Variants in LMNTD1 observed in about 807,000 individuals in gnomAD.
LMNTD1 encodes lamin tail domain-containing protein 1.
A neutral mutation model predicts 50.9 loss-of-function variants in LMNTD1; 35 were observed. The ratio of observed to expected loss-of-function variants is 0.69; its 90% CI spans 0.53 to 0.91. The LOEUF is 0.91. Ranked by LOEUF, LMNTD1 falls within the 40% of genes least tolerant of loss-of-function variation. The pLI is 0.00. For missense variants in LMNTD1, 470 were observed against 475.5 expected, an observed-to-expected ratio of 0.99 and a Z score of 0.11; for synonymous variants, 153 against 161.9, an observed-to-expected ratio of 0.94 and a Z score of 0.42.
At chr12:25,586,485 C>T (rs1413163878) in intron 1 of LMNTD1, among the ~76,000 whole-genome samples, 1 of 152,150 alleles carries the variant, frequency 6.6e-6, no homozygotes, top group Non-Finnish European at 1.5e-5. Flanking sequence ...TGCCAGTTGT[C>T]CTCCACTTTC....
intron 4 of LMNTD1, among the ~76,000 whole-genome samples, chr12:25,540,449 A>T (rs1942979777): frequency 8.7e-6 from 1 of 115,004 alleles, no homozygotes; most frequent in Admixed American, 9.4e-5. Context: ...GTAATCCAGC[A>T]TATAAACAGA....
chr12:25,478,727 A>G (rs1406672297), intron 9 of LMNTD1, among the ~76,000 whole-genome samples: 1 of 152,192 alleles, frequency 6.6e-6, no homozygotes, highest in Non-Finnish European at 1.5e-5. Context: ...CGGAGGTTGC[A>G]GTGAGCCGAG....
chr12:25,496,697 A>C lies in LMNTD1; in HGVS notation c.*22+7041T>G, dbSNP rs143213644. 1.4e-3 allele frequency among the ~76,000 whole-genome samples: 211 copies of C among 152,324 alleles called. 1 individual carries two copies. The highest frequency in any genetic ancestry group is 5.0e-3 in the African/African-American group (209 of 41,584). On this transcript the variant is annotated intron_variant, in intron 9 of 9. Coordinates refer to ENST00000458174, the MANE Select transcript of LMNTD1 (RefSeq NM_001145728.2). ...TATGATTTTCTTCCATCTTGGAAAT[A>C]CTAGCTATATTTTATTAGAAGTACT...
At chr12:25,604,401 G>C (rs575787564) in intron 1 of LMNTD1, among the ~76,000 whole-genome samples, 5 of 152,128 alleles carry the variant, frequency 3.3e-5, no homozygotes, top group Non-Finnish European at 5.9e-5. Flanking sequence ...ACAACGTGCA[G>C]GTTTGTTACA....
intron 9 of LMNTD1, among the ~76,000 whole-genome samples, chr12:25,487,596 T>A (rs11502716): frequency 0.59 from 63,450 of 108,022 alleles, 19,862 homozygotes; most frequent in East Asian, 0.94. Context: ...CCAATTTGCC[T>A]GTCTGTGTCT....
At chr12:25,519,363 G>A (rs1482908068) in intron 7 of LMNTD1, among the ~76,000 whole-genome samples, 2 of 73,022 alleles carry the variant, frequency 2.7e-5, no homozygotes, top group Non-Finnish European at 7.7e-5. Context: ...AGGCCAAGGC[G>A]GGCGGATCAC....
chr12:25,630,935 C>T (rs1946704111), intron 1 of LMNTD1, among the ~76,000 whole-genome samples: 1 of 152,182 alleles, frequency 6.6e-6, no homozygotes, highest in Admixed American at 6.5e-5. Flanking sequence ...CGCCCACTGG[C>T]CAGAAACAGA....
chr12:25,549,439 G>A lies in LMNTD1; in HGVS notation c.197C>T (p.Pro66Leu), dbSNP rs369352018. The change falls in exon 3 of 10, where the codon CCT (proline) becomes CTT (leucine). Residue 66 changes from proline (P) to leucine (L), a missense_variant. Coordinates refer to ENST00000458174, the MANE Select transcript of LMNTD1 (RefSeq NM_001145728.2). Reference sequence around the variant, plus strand: ...AGGACTAGACAGATAGTAACCAAGAGGCATTCCACTGGAATTTGAAGATGA... The same window carrying A: ...AGGACTAGACAGATAGTAACCAAGAAGCATTCCACTGGAATTTGAAGATGA... ...PLSSSNSSGM[P>L]LGYYLSSPQI... The A allele has an allele frequency of 3.1e-6, 5 of 1,612,990 alleles. No individual in the cohort carries two copies. Among genetic ancestry groups the A allele is most frequent in the Non-Finnish European group, 4.2e-6 (5 of 1,179,258 alleles).
intron 1 of LMNTD1, among the ~76,000 whole-genome samples, chr12:25,644,353 C>T (rs535823633): frequency 1.4e-5 from 2 of 146,838 alleles, no homozygotes; most frequent in Admixed American, 6.8e-5. Flanking sequence ...AGCATGGTGG[C>T]ATGTGCCTGT....
At position 25,638,480 on chromosome 12, in the gene LMNTD1, A is replaced by T. The variant is rs558153272; in HGVS notation, c.58+10014T>A. 4.8e-3 allele frequency among the ~76,000 whole-genome samples: 731 copies of T among 152,222 alleles called. 7 individuals carry two copies. The highest frequency in any genetic ancestry group is 0.017 in the African/African-American group (701 of 41,590). ...AAAGCCTATTAGAATAAATGAGCTC[A>T]GCAAAATGATAGGATAAAAGATTAA... On this transcript the variant is annotated intron_variant, in intron 1 of 7. Transcript: ENST00000445693.
At chr12:25,504,971 T>C (rs913784854) in intron 8 of LMNTD1, among the ~76,000 whole-genome samples, 1 of 152,232 alleles carries the variant, frequency 6.6e-6, no homozygotes, top group African/African-American at 2.4e-5. Context: ...AAATAGACCT[T>C]GTAAATATTT....
chr12:25,496,671 A>G (rs1939081230), intron 9 of LMNTD1, among the ~76,000 whole-genome samples: 2 of 152,306 alleles, frequency 1.3e-5, no homozygotes, highest in South Asian at 4.1e-4. Flanking sequence ...TGAGACTAGA[A>G]TATGATTTTC....
chr12:25,483,529 T>C (rs1938513102), intron 9 of LMNTD1, among the ~76,000 whole-genome samples: 3 of 151,906 alleles, frequency 2.0e-5, no homozygotes, highest in Admixed American at 2.0e-4. Context: ...CCTAGCACTT[T>C]GGGAGGCCGA....
At chr12:25,548,492 T>C (rs1002350873) in intron 3 of LMNTD1, among the ~76,000 whole-genome samples, 1 of 151,980 alleles carries the variant, frequency 6.6e-6, no homozygotes, top group Non-Finnish European at 1.5e-5. Flanking sequence ...CTAATGTTTA[T>C]TGAGTATTTA....
chr12:25,557,149 T>C (rs1171211799), upstream of LMNTD1: 3 of 152,242 alleles, frequency 2.0e-5, no homozygotes, highest in Non-Finnish European at 4.4e-5. Context: ...TAAAGCCTTT[T>C]GCTAGTCCAA....
chr12:25,567,400 A>G (rs1046848929), intron 1 of LMNTD1, among the ~76,000 whole-genome samples: 3 of 152,194 alleles, frequency 2.0e-5, no homozygotes, highest in Non-Finnish European at 4.4e-5. Context: ...CTATTACACC[A>G]CTACTATATA....
chr12:25,581,369 A>G (rs930898785), intron 1 of LMNTD1, among the ~76,000 whole-genome samples: 1 of 152,166 alleles, frequency 6.6e-6, no homozygotes. Context: ...CAACAAGGTA[A>G]TGTAGTTGGC....
chr12:25,647,616 T>C (rs1224678218), intron 1 of LMNTD1, among the ~76,000 whole-genome samples: 1 of 152,258 alleles, frequency 6.6e-6, no homozygotes, highest in Non-Finnish European at 1.5e-5. Flanking sequence ...TGTTCATTTA[T>C]TCATCCTTTT....
intron 1 of LMNTD1, among the ~76,000 whole-genome samples, chr12:25,598,098 T>C (rs570261898): frequency 7.2e-5 from 11 of 152,248 alleles, no homozygotes; most frequent in Admixed American, 2.0e-4. Context: ...TGCCATTCCT[T>C]CGTCTTCTGC....
Sources: gnomAD v4.1 joint callset for allele counts (sites outside exome capture counted in the v4.1 genomes callset) on GRCh38, gnomAD v4.1.1 for gene constraint, MANE v1.5 for transcripts, NCBI Gene and HGNC (gene_info 2026-07-23, HGNC 2026-07-21) for gene names.